Variants in STAG1 observed in about 807,000 individuals in gnomAD.
STAG1 encodes STAG1 cohesin complex component, also known as cohesin subunit SA-1.
In STAG1, 26 loss-of-function variants were observed where a neutral mutation model predicts 170.9. That is an observed-to-expected ratio of 0.15 (90% confidence interval 0.11 to 0.21). The LOEUF (loss-of-function observed/expected upper bound fraction) is 0.21, where lower values mean the gene tolerates loss of function less well. Among genes scored for constraint, STAG1 ranks in the 10% least tolerant of loss-of-function variants. The pLI, the probability that STAG1 is intolerant of heterozygous loss-of-function variation, is 1.00. For synonymous variants in STAG1, 514 were observed against 497.7 expected (o/e 1.03, Z -0.44); for missense variants, 964 against 1,509.5 (o/e 0.64, Z 5.99).
At chr3:136,684,596 C>T (rs938868100) in intron 1 of STAG1, among the ~76,000 whole-genome samples, 18 of 151,468 alleles carry the variant, frequency 1.2e-4, no homozygotes, top group Admixed American at 4.6e-4. Context: ...CTAAAAAATA[C>T]AAAAATTAGC....
At chr3:136,345,479 G>C (rs1345316225) in intron 29 of STAG1, among the ~76,000 whole-genome samples, 1 of 47,492 alleles carries the variant, frequency 2.1e-5, no homozygotes, top group African/African-American at 9.3e-5. Flanking sequence ...TTTTTTTTTT[G>C]AGATGGGGTT....
intron 1 of STAG1, among the ~76,000 whole-genome samples, chr3:136,751,541 G>A (rs1230331074): frequency 1.3e-5 from 2 of 152,104 alleles, no homozygotes; most frequent in East Asian, 1.9e-4. Context: ...CCCGTCGGGG[G>A]CTGAGAGGGC....
intron 2 of STAG1, among the ~76,000 whole-genome samples, chr3:136,628,924 T>C (rs977716360): frequency 2.0e-5 from 3 of 152,166 alleles, no homozygotes; most frequent in African/African-American, 7.2e-5. Context: ...ATAAGGATAA[T>C]CACTAGAGTG....
chr3:136,364,750 A>G (rs369129294), intron 25 of STAG1, among the ~76,000 whole-genome samples: 57 of 152,372 alleles, frequency 3.7e-4, no homozygotes, highest in East Asian at 3.1e-3. Flanking sequence ...ATTTAAAACC[A>G]TTAAATCTGG....
intron 6 of STAG1, among the ~76,000 whole-genome samples, chr3:136,540,406 T>G (rs1029438580): frequency 1.8e-4 from 27 of 152,292 alleles, no homozygotes; most frequent in African/African-American, 6.3e-4. Context: ...GAAAATATAT[T>G]TAGGTATATG....
intron 15 of STAG1, among the ~76,000 whole-genome samples, chr3:136,441,075 C>T (rs532934242): frequency 1.4e-5 from 2 of 144,678 alleles, no homozygotes; most frequent in African/African-American, 5.1e-5. Flanking sequence ...CTCTGTTGCC[C>T]AGGGTGGAGT....
At chr3:136,611,781 G>A (rs539150780) in intron 3 of STAG1, among the ~76,000 whole-genome samples, 6 of 151,274 alleles carry the variant, frequency 4.0e-5, no homozygotes, top group Non-Finnish European at 5.9e-5. Flanking sequence ...GGGATTACAG[G>A]GGTAAGCCAC....
chr3:136,550,646 G>T (rs1048418100), intron 5 of STAG1, among the ~76,000 whole-genome samples: 1 of 152,004 alleles, frequency 6.6e-6, no homozygotes, highest in East Asian at 1.9e-4. Flanking sequence ...TTGATAGGTT[G>T]TATGTTTCTA....
At chr3:136,425,366 T>C (rs1270341398) in intron 16 of STAG1, among the ~76,000 whole-genome samples, 2 of 151,972 alleles carry the variant, frequency 1.3e-5, no homozygotes, top group Non-Finnish European at 2.9e-5. Context: ...GGTGAGTGGG[T>C]GGAATGTGAA....
At chr3:136,610,128 C>T (rs762191697) in intron 3 of STAG1, among the ~76,000 whole-genome samples, 1 of 152,012 alleles carries the variant, frequency 6.6e-6, no homozygotes, top group Non-Finnish European at 1.5e-5. Context: ...TCCACACCTC[C>T]CAGGTTCAAG....
intron 5 of STAG1, among the ~76,000 whole-genome samples, chr3:136,550,442 G>A (rs1936335829): frequency 6.6e-6 from 1 of 151,768 alleles, no homozygotes; most frequent in African/African-American, 2.4e-5. Flanking sequence ...CGAGTAGCTG[G>A]GATTACAGGC....
At chr3:136,710,408 C>T (rs545796633) in intron 1 of STAG1, among the ~76,000 whole-genome samples, 91 of 152,270 alleles carry the variant, frequency 6.0e-4, no homozygotes, top group Non-Finnish European at 1.1e-3. Flanking sequence ...CTCTCTATTA[C>T]AGTGCTCCAA....
In STAG1 at chr3:136,702,075, A is replaced by AAGAGAGAGAG. The variant is rs745623191; in HGVS notation, c.-84+50110_-84+50119dup. On this transcript the variant is annotated intron_variant, in intron 1 of 33. Coordinates refer to ENST00000383202, the MANE Select transcript of STAG1 (RefSeq NM_005862.3). Reference sequence around the variant, plus strand: ...CTACAGGCATGCACCACCATGCCGAAAGAGAGAGAGAGAGAGAGAGAGAGA... The same window carrying AAGAGAGAGAG: ...CTACAGGCATGCACCACCATGCCGAAAGAGAGAGAGAGAGAGAGAGAGAGAGAGAGAGAGA... 1.9e-3 allele frequency among the ~76,000 whole-genome samples: 177 copies of AAGAGAGAGAG among 92,188 alleles called. 2 individuals carry two copies. The highest frequency in any genetic ancestry group is 2.2e-3 in the East Asian group (7 of 3,126). The allele number at this position is 92,188 out of a possible 152,430, so 60.5% of individuals were successfully genotyped here.
chr3:136,494,181 G>A (rs1027658415), intron 9 of STAG1, among the ~76,000 whole-genome samples: 3 of 152,146 alleles, frequency 2.0e-5, no homozygotes, highest in African/African-American at 4.8e-5. Context: ...TGAGGCAGGA[G>A]GACTGCTTGA....
chr3:136,504,144 C>T (rs57494495), intron 7 of STAG1, among the ~76,000 whole-genome samples: 13,142 of 152,038 alleles, frequency 0.086, 1,867 homozygotes, highest in African/African-American at 0.3. Flanking sequence ...ATTTGTTATT[C>T]GGAAACTCTA....
intron 4 of STAG1, among the ~76,000 whole-genome samples, chr3:136,579,925 G>C (rs912999674): frequency 1.3e-5 from 2 of 149,558 alleles, no homozygotes; most frequent in Non-Finnish European, 3.0e-5. Flanking sequence ...GGACAGAACA[G>C]GGGATTGCTA....
At chr3:136,629,893 A>G (rs1207033547) in intron 2 of STAG1, among the ~76,000 whole-genome samples, 2 of 152,148 alleles carry the variant, frequency 1.3e-5, no homozygotes, top group African/African-American at 4.8e-5. Flanking sequence ...ATTTCCCAGA[A>G]TAAGTCCCAA....
At chr3:136,717,794 G>C (rs1943582882) in intron 1 of STAG1, among the ~76,000 whole-genome samples, 1 of 152,178 alleles carries the variant, frequency 6.6e-6, no homozygotes, top group Admixed American at 6.5e-5. Flanking sequence ...GTAAAATTTA[G>C]AATTTAATTT....
At chr3:136,627,439 ATT>A (rs1484360597) in intron 2 of STAG1, among the ~76,000 whole-genome samples, 1 of 152,138 alleles carries the variant, frequency 6.6e-6, no homozygotes, top group Non-Finnish European at 1.5e-5. Context: ...CAATATTTCA[ATT>A]TTTTAAGTGT....
Sources: gnomAD v4.1 joint callset for allele counts (sites outside exome capture counted in the v4.1 genomes callset) on GRCh38, gnomAD v4.1.1 for gene constraint, MANE v1.5 for transcripts, NCBI Gene and HGNC (gene_info 2026-07-23, HGNC 2026-07-21) for gene names.